ITGA1: variants seen among roughly 807,000 people sequenced by gnomAD.
ITGA1 encodes integrin alpha-1.
ITGA1 carries 85 observed loss-of-function variants against 145.9 expected under a neutral mutation model. The ratio of observed to expected loss-of-function variants is 0.58; its 90% CI spans 0.49 to 0.70. The LOEUF (loss-of-function observed/expected upper bound fraction) is 0.70. Ranked by LOEUF, ITGA1 falls within the 30% of genes least tolerant of loss-of-function variation. The pLI is 0.00. For missense variants in ITGA1, 1,351 were observed against 1,418.7 expected, an observed-to-expected ratio of 0.95 and a Z score of 0.77; for synonymous variants, 520 against 495.3, an observed-to-expected ratio of 1.05 and a Z score of -0.66.
intron 1 of ITGA1, among the ~76,000 whole-genome samples, chr5:52,794,500 T>C (rs867415920): frequency 9.9e-5 from 14 of 141,914 alleles, no homozygotes; most frequent in African/African-American, 3.4e-4. Context: ...CAAATAGAAA[T>C]ACACACACAC....
chr5:52,866,439 C>T (rs1749689433), intron 6 of ITGA1, among the ~76,000 whole-genome samples: 1 of 152,132 alleles, frequency 6.6e-6, no homozygotes, highest in Non-Finnish European at 1.5e-5. Flanking sequence ...ATGGATATAG[C>T]CACTTTTGGT....
At chr5:52,865,115 G>GA in intron 5 of ITGA1, 33 bp downstream of exon 5, 1 of 1,473,590 alleles carries the variant, frequency 6.8e-7, no homozygotes, top group Non-Finnish European at 9.4e-7. Flanking sequence ...TTGCATGTTT[G>GA]AAAAGCCTAT....
At chr5:52,927,978 T>C (rs1347041000) in intron 20 of ITGA1, among the ~76,000 whole-genome samples, 4 of 152,166 alleles carry the variant, frequency 2.6e-5, no homozygotes, top group Non-Finnish European at 4.4e-5. Context: ...TGCTCACCCC[T>C]TCTACCATGT....
At chr5:52,942,383 G>C (rs185004838) in intron 26 of ITGA1, among the ~76,000 whole-genome samples, 27 of 152,186 alleles carry the variant, frequency 1.8e-4, no homozygotes, top group African/African-American at 6.5e-4. Flanking sequence ...GCCATTTAAT[G>C]ATATTAAATG....
chr5:52,801,591 T>C (rs1041726150), intron 1 of ITGA1: 2 of 1,613,968 alleles, frequency 1.2e-6, no homozygotes, highest in South Asian at 1.1e-5. Context: ...AGAAGGCCAA[T>C]GAAGCCATGG....
At chr5:52,942,011 A>C (rs1215287401) in intron 26 of ITGA1, among the ~76,000 whole-genome samples, 1 of 152,186 alleles carries the variant, frequency 6.6e-6, no homozygotes, top group Non-Finnish European at 1.5e-5. Flanking sequence ...CAGTTATCCC[A>C]ACACCATTTT....
At chr5:52,852,348 G>A (rs1254115317) in intron 2 of ITGA1, among the ~76,000 whole-genome samples, 1 of 152,154 alleles carries the variant, frequency 6.6e-6, no homozygotes, top group Non-Finnish European at 1.5e-5. Flanking sequence ...TGGAGTTCCT[G>A]AAAACTAGGA....
chr5:52,854,310 G>A (rs1038080010), intron 2 of ITGA1, among the ~76,000 whole-genome samples: 1 of 152,152 alleles, frequency 6.6e-6, no homozygotes, highest in Non-Finnish European at 1.5e-5. Flanking sequence ...GACTGGGGAG[G>A]AGAGACATTT....
chr5:52,888,594 C>G (rs559972079), intron 8 of ITGA1, among the ~76,000 whole-genome samples: 1 of 152,322 alleles, frequency 6.6e-6, no homozygotes, highest in South Asian at 2.1e-4. Context: ...TTTATAAGCT[C>G]CTGGTATAGA....
intron 12 of ITGA1, among the ~76,000 whole-genome samples, chr5:52,907,049 A>G (rs545712587): frequency 6.6e-6 from 1 of 152,334 alleles, no homozygotes; most frequent in East Asian, 1.9e-4. Context: ...TAATTCATTT[A>G]TAGTTCCACA....
At chr5:52,844,081 T>C (rs1445761415) in intron 1 of ITGA1, among the ~76,000 whole-genome samples, 1 of 152,214 alleles carries the variant, frequency 6.6e-6, no homozygotes, top group Non-Finnish European at 1.5e-5. Context: ...ACAATTTCTT[T>C]TTATAAGAGA....
intron 1 of ITGA1, among the ~76,000 whole-genome samples, chr5:52,839,751 A>G (rs1749223930): frequency 2.0e-5 from 3 of 152,242 alleles, no homozygotes; most frequent in Non-Finnish European, 4.4e-5. Context: ...GAAATAGTAT[A>G]CAAGGTTAAA....
chr5:52,909,689 CT>C (rs11389671), intron 13 of ITGA1, among the ~76,000 whole-genome samples: 1 of 150,722 alleles, frequency 6.6e-6, no homozygotes, highest in Admixed American at 6.6e-5. Flanking sequence ...CTCCTGTCAA[CT>C]TTTTTTGTCC....
intron 1 of ITGA1, among the ~76,000 whole-genome samples, chr5:52,823,610 A>G (rs770281856): frequency 1.3e-5 from 2 of 152,180 alleles, no homozygotes; most frequent in Admixed American, 1.3e-4. Flanking sequence ...CTAACTCCTA[A>G]GATCTTGTCA....
intron 23 of ITGA1, among the ~76,000 whole-genome samples, chr5:52,934,833 C>T (rs114685853): frequency 4.1e-4 from 63 of 151,920 alleles, no homozygotes; most frequent in Non-Finnish European, 6.0e-4. Context: ...TATAAATAAA[C>T]GTATACTCCC....
chr5:52,818,406 T>G (rs994565244), intron 1 of ITGA1, among the ~76,000 whole-genome samples: 4 of 152,224 alleles, frequency 2.6e-5, no homozygotes, highest in Non-Finnish European at 4.4e-5. Context: ...TCAGATCCAT[T>G]ACACAAATGG....
At chr5:52,789,143 G>A (rs989230862) in intron 1 of ITGA1, among the ~76,000 whole-genome samples, 6 of 152,100 alleles carry the variant, frequency 3.9e-5, no homozygotes, top group Non-Finnish European at 7.3e-5. Context: ...TTTAGAAAAA[G>A]CTTGAAATAT....
chr5:52,790,748 A>G (rs993582673), intron 1 of ITGA1, among the ~76,000 whole-genome samples: 4 of 152,208 alleles, frequency 2.6e-5, no homozygotes, highest in African/African-American at 9.6e-5. Flanking sequence ...ACATCTTCCA[A>G]GTCCCTTTTA....
At position 52,920,469 on chromosome 5, in the gene ITGA1, G is replaced by A. The variant is rs1750714799; in HGVS notation, c.2292+1G>A. 3 of 1,591,970 alleles carry A rather than the reference G, an allele frequency of 1.9e-6. No individual in the cohort carries two copies. The highest frequency in any genetic ancestry group is 2.6e-6 in the Non-Finnish European group (3 of 1,171,308). On this transcript the variant is annotated splice_donor_variant, in intron 17 of 28. Transcript: ENST00000282588. LOFTEE classifies it high-confidence loss of function. Reference sequence around the variant, plus strand: ...CACTAAGCACTCCTTCTACATGTTGGCAAGTAAATCATATATCGTTGCTGC... The same window carrying A: ...CACTAAGCACTCCTTCTACATGTTGACAAGTAAATCATATATCGTTGCTGC...
Sources: gnomAD v4.1 joint callset for allele counts (sites outside exome capture counted in the v4.1 genomes callset) on GRCh38, gnomAD v4.1.1 for gene constraint, MANE v1.5 for transcripts, NCBI Gene and HGNC (gene_info 2026-07-23, HGNC 2026-07-21) for gene names.